The following U2SURP variants were observed in gnomAD, a reference collection of about 807,000 sequenced individuals.
U2SURP encodes the protein U2 snRNP associated SURP domain containing, also known as U2 snRNP-associated SURP motif-containing protein.
Under a neutral mutation model 144.9 loss-of-function variants are expected in U2SURP, and 9 were observed. That is an observed-to-expected ratio of 0.06 (90% CI 0.04 to 0.11). U2SURP has a LOEUF of 0.11. U2SURP is among the 10% of genes least tolerant of loss of function. The probability of loss-of-function intolerance (pLI) is 1.00; values close to 1 mark genes in which losing one functional copy is unlikely to be tolerated. For synonymous variants in U2SURP, 408 were observed against 396.8 expected, an observed-to-expected ratio of 1.03 and a Z score of -0.33; for missense variants, 724 against 1,226.7, an observed-to-expected ratio of 0.59 and a Z score of 6.12.
In U2SURP at chr3:143,001,666, G is replaced by A. The variant is rs183628705; in HGVS notation, c.38G>A (p.Ser13Asn). Residue 13 changes from serine to asparagine, a missense_variant, in exon 1 of 28, where the codon AGT (serine) becomes AAT (asparagine). Physicochemically the swap from Ser to Asn is conservative, Grantham distance 46. Around this residue, in one of 13 missense-constraint regions of U2SURP, gnomAD observed 127 missense variants for 98.2 expected, o/e 1.29. Coordinates refer to ENST00000473835, the MANE Select transcript of U2SURP (RefSeq NM_001080415.2). Reference protein sequence around the residue: ...DKTPGGSQKASSKTRSSDVHS... With the variant: ...DKTPGGSQKANSKTRSSDVHS... The stretch of plus-strand genomic sequence containing the variant: ...ACGCCAGGCGGATCTCAGAAGGCCA[G>A]TTCAAAGGTAATTTCTGACAAAATT... 1.2e-6 allele frequency: 2 copies of A among 1,613,964 alleles called. No individual in the cohort carries two copies. Among genetic ancestry groups the A allele is most frequent in the East Asian group, 4.5e-5 (2 of 44,874 alleles).
At chr3:143,022,789 C>A in intron 11 of U2SURP, 64 bp from the exon 12 acceptor site, 1 of 1,463,432 alleles carries the variant, frequency 6.8e-7, no homozygotes. Flanking sequence ...TTCAACTCAC[C>A]AGAAAAATTT....
At chr3:143,004,468 A>G (rs1236051783) in intron 1 of U2SURP, among the ~76,000 whole-genome samples, 7 of 139,288 alleles carry the variant, frequency 5.0e-5, no homozygotes, top group Non-Finnish European at 7.5e-5. Flanking sequence ...GGTTCAAGCA[A>G]TTCTTCTGCC....
intron 16 of U2SURP, among the ~76,000 whole-genome samples, chr3:143,030,957 T>A (rs1933448533): frequency 6.6e-6 from 1 of 152,146 alleles, no homozygotes; most frequent in Non-Finnish European, 1.5e-5. Context: ...TAACAGGAGC[T>A]TGGAAGAAGT....
At chr3:143,017,214 A>ATATATTGCAAGTCAAAAATTGAC (rs1470246327) in intron 6 of U2SURP, 4 of 345,262 alleles carry the variant, frequency 1.2e-5, no homozygotes, top group Admixed American at 4.8e-5. Context: ...TATGCTCATA[A>ATATATTGCAAGTCAAAAATTGAC]TATATTGCAA....
intron 13 of U2SURP, 26 bp downstream of exon 13, chr3:143,024,044 G>T: frequency 6.3e-7 from 1 of 1,591,322 alleles, no homozygotes; most frequent in South Asian, 1.1e-5. Flanking sequence ...TATTATTACT[G>T]ATCTAAATAT....
At chr3:143,040,483 T>A (rs1934046710) in intron 23 of U2SURP, among the ~76,000 whole-genome samples, 1 of 151,928 alleles carries the variant, frequency 6.6e-6, no homozygotes, top group South Asian at 2.1e-4. Context: ...AAATGTCTTT[T>A]TACTTAAGGC....
At chr3:143,020,122 CAGTT>C (rs1438617883) in intron 7 of U2SURP, 86 bp downstream of exon 7, 3 of 780,622 alleles carry the variant, frequency 3.8e-6, no homozygotes, top group South Asian at 3.4e-5. Flanking sequence ...TATACTGTAC[CAGTT>C]AGTTATTACT....
At chr3:143,035,209 TGTTA>T (rs1031884001) in intron 19 of U2SURP, among the ~76,000 whole-genome samples, 18 of 152,214 alleles carry the variant, frequency 1.2e-4, no homozygotes, top group African/African-American at 4.3e-4. Flanking sequence ...AAATTATAAA[TGTTA>T]GTCTTTTTTC....
chr3:143,029,819 C>G (rs1270342294), intron 16 of U2SURP, among the ~76,000 whole-genome samples: 2 of 152,144 alleles, frequency 1.3e-5, no homozygotes, highest in African/African-American at 4.8e-5. Context: ...AAGTGCCACT[C>G]CAATGAACAC....
chr3:143,030,730 T>A (rs1204679893), intron 16 of U2SURP, among the ~76,000 whole-genome samples: 1 of 152,098 alleles, frequency 6.6e-6, no homozygotes, highest in East Asian at 1.9e-4. Context: ...GTGGAAAGCA[T>A]TTATCATTCC....
intron 2 of U2SURP, 105 bp from the exon 3 acceptor site, chr3:143,012,117 A>G: frequency 2.2e-6 from 3 of 1,363,688 alleles, no homozygotes; most frequent in Non-Finnish European, 3.1e-6. Context: ...TTGATAATCT[A>G]CAATGAAATT....
chr3:143,004,406 C>T (rs966572707), intron 1 of U2SURP, among the ~76,000 whole-genome samples: 2 of 124,482 alleles, frequency 1.6e-5, no homozygotes, highest in South Asian at 2.6e-4. Context: ...CCTTGTCGCC[C>T]AGGCTGGAGT....
chr3:143,056,139 A>G (rs1935136827), intron 27 of U2SURP, among the ~76,000 whole-genome samples, 173 bp from the exon 28 acceptor site: 1 of 152,138 alleles, frequency 6.6e-6, no homozygotes. Context: ...AGTAAGTACA[A>G]AATAATCTGT....
At chr3:143,014,245 G>C in intron 3 of U2SURP, 66 bp from the exon 4 acceptor site, 1 of 1,010,108 alleles carries the variant, frequency 9.9e-7, no homozygotes, top group South Asian at 1.8e-5. Flanking sequence ...GTTATCAGTT[G>C]ATGTGTATTA....
chr3:143,024,236 A>G (rs1932994957), intron 13 of U2SURP, among the ~76,000 whole-genome samples: 1 of 152,050 alleles, frequency 6.6e-6, no homozygotes, highest in Non-Finnish European at 1.5e-5. Flanking sequence ...CACTGTAGGG[A>G]ATGTTTATAG....
At chr3:143,036,497 T>G (rs567095439) in intron 20 of U2SURP, among the ~76,000 whole-genome samples, 1 of 151,954 alleles carries the variant, frequency 6.6e-6, no homozygotes, top group South Asian at 2.1e-4. Context: ...CATTCTGTTG[T>G]TTTTTTTCTT....
chr3:143,037,260 A>G lies in U2SURP; in HGVS notation c.2146A>G (p.Ile716Val). 6.2e-7 allele frequency: 1 copy of G among 1,612,692 alleles called. No homozygotes were observed. Among genetic ancestry groups the G allele is most frequent in the African/African-American group, 1.3e-5 (1 of 75,018 alleles). Residue 716 changes from isoleucine (I) to valine (V), a missense_variant, in exon 21 of 28, where the codon ATT becomes GTT. This residue lies in a region of U2SURP where 116 missense variants were observed against 167.9 expected (regional missense o/e 0.69). Coordinates refer to ENST00000473835, the MANE Select transcript of U2SURP (RefSeq NM_001080415.2). ...TCTGGAAGATGTAGATGGAATTCCT[A>G]TTGATGCTACTCCCATCGATGATCT... ...APLEDVDGIP[I>V]DATPIDDLDG...
intron 19 of U2SURP, among the ~76,000 whole-genome samples, 149 bp from the exon 20 acceptor site, chr3:143,035,830 TATG>T (rs1233148753): frequency 6.6e-6 from 1 of 152,156 alleles, no homozygotes; most frequent in Non-Finnish European, 1.5e-5. Flanking sequence ...TTTTAAAAAA[TATG>T]GTAATGATAT....
chr3:143,043,909 C>G (rs984419221), intron 24 of U2SURP, among the ~76,000 whole-genome samples: 3 of 151,696 alleles, frequency 2.0e-5, no homozygotes, highest in African/African-American at 7.3e-5. Flanking sequence ...GCCACCATGC[C>G]CGGCTCATTT....
Sources: allele counts gnomAD v4.1 joint callset (sites outside exome capture counted in the v4.1 genomes callset), GRCh38; gene constraint gnomAD v4.1.1; regional missense constraint gnomAD v4.1.1; transcripts MANE v1.5; gene names NCBI Gene and HGNC (gene_info 2026-07-23, HGNC 2026-07-21).